Variants in CNKSR3 observed in about 807,000 individuals in gnomAD.
CNKSR3 encodes the protein CNKSR family member 3, also known as connector enhancer of kinase suppressor of ras 3.
In CNKSR3, 36 loss-of-function variants were observed where a neutral mutation model predicts 67.7. The observed-to-expected ratio is 0.53, with a 90% confidence interval of 0.41 to 0.70. The LOEUF (loss-of-function observed/expected upper bound fraction) is 0.70, where lower values mean the gene tolerates loss of function less well. CNKSR3 is among the 30% of genes least tolerant of loss of function. The probability of loss-of-function intolerance (pLI) is 0.00; values close to 1 mark genes in which losing one functional copy is unlikely to be tolerated. For synonymous variants in CNKSR3, 281 were observed against 271.4 expected, an observed-to-expected ratio of 1.04 and a Z score of -0.35; for missense variants, 630 against 695.2, an observed-to-expected ratio of 0.91 and a Z score of 1.05.
chr6:154,464,261 T>C (rs778686789), intron 1 of CNKSR3, among the ~76,000 whole-genome samples: 5 of 152,136 alleles, frequency 3.3e-5, no homozygotes, highest in African/African-American at 4.8e-5. Context: ...CACTGCACAT[T>C]GTCACAGCAG....
intron 10 of CNKSR3, among the ~76,000 whole-genome samples, chr6:154,412,134 A>C (rs1784924453): frequency 6.6e-6 from 1 of 152,228 alleles, no homozygotes; most frequent in African/African-American, 2.4e-5. Context: ...GTCCCAAAGC[A>C]ATCTACTAAT....
At chr6:154,435,656 A>G (rs543197707) in intron 4 of CNKSR3, among the ~76,000 whole-genome samples, 82 of 152,334 alleles carry the variant, frequency 5.4e-4, no homozygotes, top group African/African-American at 1.8e-3. Flanking sequence ...CATGAAGGCA[A>G]TGGAATGGAA....
chr6:154,456,014 A>G (rs578155303), intron 1 of CNKSR3, among the ~76,000 whole-genome samples: 1 of 152,298 alleles, frequency 6.6e-6, no homozygotes, highest in African/African-American at 2.4e-5. Context: ...AAACAAACAA[A>G]AAACAAAACA....
At chr6:154,408,822 T>C (rs1168676202) in intron 12 of CNKSR3, among the ~76,000 whole-genome samples, 1 of 152,224 alleles carries the variant, frequency 6.6e-6, no homozygotes, top group African/African-American at 2.4e-5. Flanking sequence ...TGGCTGTGTA[T>C]AGATAGATAC....
intron 1 of CNKSR3, among the ~76,000 whole-genome samples, chr6:154,509,719 G>A (rs1180115058): frequency 6.6e-6 from 1 of 152,124 alleles, no homozygotes; most frequent in Non-Finnish European, 1.5e-5. Flanking sequence ...GGGTCGCCGG[G>A]CACCGCACCG....
intron 9 of CNKSR3, 199 bp from the exon 10 acceptor site, chr6:154,414,622 G>A: frequency 1.5e-6 from 1 of 661,052 alleles, no homozygotes; most frequent in Non-Finnish European, 2.8e-6. Context: ...GGATTTGAAT[G>A]ACGATGTATA....
intron 1 of CNKSR3, among the ~76,000 whole-genome samples, chr6:154,509,307 A>AC (rs955930012): frequency 1.4e-4 from 9 of 66,278 alleles, no homozygotes; most frequent in South Asian, 6.6e-4. Context: ...TCCCCCCACC[A>AC]CCCCCCCACC....
At chr6:154,409,003 C>T (rs555019403) in intron 12 of CNKSR3, among the ~76,000 whole-genome samples, 7 of 152,248 alleles carry the variant, frequency 4.6e-5, no homozygotes, top group Admixed American at 1.3e-4. Flanking sequence ...AAGATGTTAA[C>T]GTGTCTAAAT....
At chr6:154,463,363 G>A (rs543876006) in intron 1 of CNKSR3, among the ~76,000 whole-genome samples, 234 of 152,126 alleles carry the variant, frequency 1.5e-3, no homozygotes, top group Non-Finnish European at 1.9e-3. Context: ...GTGAGCCACC[G>A]CGCCCGGCTT....
In CNKSR3 at chr6:154,400,689, C is replaced by T. The variant is rs564054170; in HGVS notation, c.*5665G>A. On this transcript the variant is annotated 3_prime_UTR_variant, in exon 13 of 13. Transcript: ENST00000607772. Reference sequence around the variant, plus strand: ...TATAGGGTTTGGGACAGACTCCACACCCCTAAAACTAGAGGAAAAACAAGG... The same window carrying T: ...TATAGGGTTTGGGACAGACTCCACATCCCTAAAACTAGAGGAAAAACAAGG... The T allele has an allele frequency of 1.1e-4, 17 of 152,150 alleles. No homozygotes were observed. The highest frequency in any genetic ancestry group is 4.1e-4 in the African/African-American group (17 of 41,428). 9.4% of individuals were successfully genotyped at this position (152,150 alleles called of 1,614,324 possible). A position where few individuals can be genotyped will look rare whatever the true frequency, so the allele number is the denominator to read the frequency against.
At chr6:154,441,201 A>T in intron 4 of CNKSR3, 91 bp downstream of exon 4, 1 of 871,396 alleles carries the variant, frequency 1.1e-6, no homozygotes, top group Non-Finnish European at 1.8e-6. Flanking sequence ...GGAGAGTAGT[A>T]CTTCATACCT....
chr6:154,440,115 G>C (rs1235510388), intron 4 of CNKSR3, among the ~76,000 whole-genome samples: 4 of 152,148 alleles, frequency 2.6e-5, no homozygotes, highest in Non-Finnish European at 4.4e-5. Flanking sequence ...TACTTTACTT[G>C]CTCTGAGCAC....
chr6:154,460,642 G>A (rs1786059761), intron 1 of CNKSR3, among the ~76,000 whole-genome samples: 1 of 152,156 alleles, frequency 6.6e-6, no homozygotes, highest in Non-Finnish European at 1.5e-5. Context: ...TGAAACAGAA[G>A]AAAGGAATGC....
At chr6:154,506,428 T>G (rs1787105057) in intron 1 of CNKSR3, among the ~76,000 whole-genome samples, 1 of 152,192 alleles carries the variant, frequency 6.6e-6, no homozygotes, top group African/African-American at 2.4e-5. Context: ...CCATGTGACA[T>G]TTCTGGCACC....
intron 1 of CNKSR3, among the ~76,000 whole-genome samples, chr6:154,475,494 G>A (rs538607502): frequency 6.6e-6 from 1 of 152,304 alleles, no homozygotes; most frequent in African/African-American, 2.4e-5. Context: ...CCACCGGCAT[G>A]TATAGACAAG....
intron 9 of CNKSR3, among the ~76,000 whole-genome samples, chr6:154,421,116 C>A (rs1002102468): frequency 2.0e-5 from 3 of 152,148 alleles, no homozygotes; most frequent in Admixed American, 6.5e-5. Flanking sequence ...TGGGTTCAAG[C>A]AACTCTTCTG....
At position 154,451,599 on chromosome 6, in the gene CNKSR3, T is replaced by C. The variant is rs566218666; in HGVS notation, c.53-1341A>G. ...CTCACAAAACCTGTGTCAGTGGGTA[T>C]TTCTCTGAGCTAGAAAAGGCCCAGC... On this transcript the variant is annotated intron_variant, in intron 1 of 12. Transcript: ENST00000607772. 4.6e-5 allele frequency among the ~76,000 whole-genome samples: 7 copies of C among 152,342 alleles called. No homozygotes were observed. The South Asian group carries it at 1.4e-3, about 32-fold the overall frequency.
At chr6:154,408,879 G>A (rs1329138601) in intron 12 of CNKSR3, among the ~76,000 whole-genome samples, 2 of 152,108 alleles carry the variant, frequency 1.3e-5, no homozygotes, top group Non-Finnish European at 2.9e-5. Flanking sequence ...AGGAGGAGTG[G>A]AGGGAACAAG....
At chr6:154,506,654 C>T (rs999210797) in intron 1 of CNKSR3, among the ~76,000 whole-genome samples, 1 of 152,244 alleles carries the variant, frequency 6.6e-6, no homozygotes, top group Non-Finnish European at 1.5e-5. Context: ...AATGGCTGAA[C>T]AAGATGGCAG....
Sources: allele counts gnomAD v4.1 joint callset (sites outside exome capture counted in the v4.1 genomes callset), GRCh38; gene constraint gnomAD v4.1.1; transcripts MANE v1.5; gene names NCBI Gene and HGNC (gene_info 2026-07-23, HGNC 2026-07-21).